The following MRC2 variants were observed in gnomAD, a reference collection of about 807,000 sequenced individuals.
The protein encoded by MRC2 is C-type mannose receptor 2.
MRC2 carries 84 observed loss-of-function variants against 206.2 expected under a neutral mutation model. That is an observed-to-expected ratio of 0.41 (90% CI 0.34 to 0.49). MRC2 has a LOEUF of 0.49. MRC2 is among the 20% of genes least tolerant of loss of function. MRC2 has a pLI of 0.31. For synonymous variants in MRC2, 798 were observed against 800.0 expected (o/e 1.00, Z 0.04); for missense variants, 1,676 against 2,001.5 (o/e 0.84, Z 3.10).
Position 62,680,430 on chromosome 17 carries a change from G to A in MRC2, c.2450G>A (p.Arg817Gln), listed in dbSNP as rs1157382623. Residue 817 changes from arginine (R) to glutamine (Q), a missense_variant, in exon 16 of 30, where the codon CGG (arginine) becomes CAG (glutamine). By Grantham distance (43) the Arg-to-Gln change is conservative. Transcript: ENST00000303375. The surrounding 1 kb of genome is among the most constrained non-coding windows in gnomAD (Gnocchi z 4.8). Reference sequence around the variant, plus strand: ...CTTGTTCCCCTAGGTACGGACGTGCGGGAGCCCGACGACAGCCCTCAAGGT... The same window carrying A: ...CTTGTTCCCCTAGGTACGGACGTGCAGGAGCCCGACGACAGCCCTCAAGGT... ...ICKIPRGTDV[R>Q]EPDDSPQGRR... 6.2e-7 allele frequency: 1 copy of A among 1,614,096 alleles called. No individual in the cohort carries two copies. The highest frequency in any genetic ancestry group is 8.5e-7 in the Non-Finnish European group (1 of 1,180,016).
chr17:62,680,779 ACGCC>A lies in MRC2; in HGVS notation c.2474-17_2474-14del. 6.4e-7 allele frequency: 1 copy of A among 1,571,486 alleles called. No homozygotes were observed. The highest frequency in any genetic ancestry group is 8.6e-7 in the Non-Finnish European group (1 of 1,159,282). On this transcript the variant is annotated splice_polypyrimidine_tract_variant and intron_variant, in intron 16 of 29. Coordinates refer to ENST00000303375, the MANE Select transcript of MRC2 (RefSeq NM_006039.5). This position sits in a 1 kb window ranked among gnomAD's most constrained non-coding sequence, Gnocchi z 4.8. ...CAGCCTCTGCCTGGCCGCCGCTCCC[ACGCC>A]CGCGCTGCTCCTGCAGGCCGACGGG... is the stretch of plus-strand genomic sequence containing the variant.
At chr17:62,665,279 C>T (rs1386617506) in intron 2 of MRC2, among the ~76,000 whole-genome samples, 1 of 151,624 alleles carries the variant, frequency 6.6e-6, no homozygotes, top group Non-Finnish European at 1.5e-5. Context: ...GCATGCCCAT[C>T]ATAGTCCCAG....
intron 1 of MRC2, among the ~76,000 whole-genome samples, chr17:62,655,100 G>T (rs1038759520): frequency 8.6e-5 from 13 of 151,226 alleles, no homozygotes; most frequent in African/African-American, 3.2e-4. Flanking sequence ...CCTGGCTAAT[G>T]CGGTGAAACC....
In MRC2 at chr17:62,681,227, C is replaced by G; in HGVS notation, c.2702+98C>G. 2.1e-6 allele frequency: 3 copies of G among 1,411,058 alleles called. No individual in the cohort carries two copies. The African/African-American group carries it at 4.3e-5, about 20-fold the overall frequency. 87.4% of individuals were successfully genotyped at this position (1,411,058 alleles called of 1,614,324 possible). A position where few individuals can be genotyped will look rare whatever the true frequency, so the allele number is the denominator to read the frequency against. ...CATTTGAATCCAGCCCTGCCCCTTC[C>G]TTGCTGGCTGTGTGGCCTTGAGCAA... is the stretch of plus-strand genomic sequence containing the variant. On this transcript the variant is annotated intron_variant, in intron 18 of 29. Coordinates refer to ENST00000303375, the MANE Select transcript of MRC2 (RefSeq NM_006039.5).
At chr17:62,645,500 TATATA>T (rs1568052008) in intron 1 of MRC2, among the ~76,000 whole-genome samples, 10,793 of 67,012 alleles carry the variant, frequency 0.16, 1,533 homozygotes, top group Non-Finnish European at 0.2. Flanking sequence ...GTATATATTA[TATATA>T]TATATATATA....
chr17:62,643,543 A>G (rs1453098645), intron 1 of MRC2, among the ~76,000 whole-genome samples: 1 of 152,152 alleles, frequency 6.6e-6, no homozygotes. Context: ...ATATAAAACT[A>G]TGAGAAAAAC....
intron 1 of MRC2, among the ~76,000 whole-genome samples, chr17:62,634,306 A>AT (rs796354775): frequency 5.1e-4 from 74 of 146,412 alleles, no homozygotes; most frequent in East Asian, 2.2e-3. Context: ...ACCACAAGTC[A>AT]TTTTTTTTTT....
At chr17:62,642,079 A>G (rs1436482517) in intron 1 of MRC2, among the ~76,000 whole-genome samples, 1 of 152,172 alleles carries the variant, frequency 6.6e-6, no homozygotes, top group African/African-American at 2.4e-5. Context: ...TTTTTCTCAT[A>G]TGCAGTCCGT....
chr17:62,645,742 G>T (rs1859938457), intron 1 of MRC2, among the ~76,000 whole-genome samples: 1 of 150,698 alleles, frequency 6.6e-6, no homozygotes, highest in Admixed American at 6.6e-5. Context: ...TTTTTGCCAT[G>T]TTGCCCAGGC....
chr17:62,674,154 A>G lies in MRC2; in HGVS notation c.1553A>G (p.Asp518Gly). 6.5e-7 allele frequency: 1 copy of G among 1,550,180 alleles called. No homozygotes were observed. The highest frequency in any genetic ancestry group is 1.2e-5 in the South Asian group (1 of 83,966). ...GQLSQGAAEE[D>G]HGCRKGWTWH... is the part of the protein sequence containing the mutation. ...CTGAGCCAGGGGGCCGCCGAGGAGGACCATGGCTGCCGGAAGGTGAGGGTG... is the reference window on the plus strand; with the variant it reads ...CTGAGCCAGGGGGCCGCCGAGGAGGGCCATGGCTGCCGGAAGGTGAGGGTG... Residue 518 changes from aspartate (D) to glycine (G), a missense_variant, in exon 9 of 30, where the codon GAC becomes GGC. By Grantham distance (94) the Asp-to-Gly change is moderately conservative. Coordinates refer to ENST00000303375, the MANE Select transcript of MRC2 (RefSeq NM_006039.5).
Position 62,677,382 on chromosome 17 carries a change from A to C in MRC2, c.1948A>C (p.Thr650Pro). The C allele has an allele frequency of 6.2e-7, 1 of 1,610,544 alleles. No homozygotes were observed. The highest frequency in any genetic ancestry group is 1.1e-5 in the South Asian group (1 of 90,440). ...CTACATCTGCCGGCAGAGCCTGGGCACTCCAGTGACGCCGGAGCTGCCGGG... is the reference window on the plus strand; with the variant it reads ...CTACATCTGCCGGCAGAGCCTGGGCCCTCCAGTGACGCCGGAGCTGCCGGG... The part of the protein sequence containing the change: ...ARYICRQSLG[T>P]PVTPELPGPD... Residue 650 changes from threonine to proline, a missense_variant, in exon 12 of 30, where the codon ACT becomes CCT. By Grantham distance (38) the Thr-to-Pro change is conservative (BLOSUM62 -1). Coordinates refer to ENST00000303375, the MANE Select transcript of MRC2 (RefSeq NM_006039.5).
chr17:62,641,895 C>CTGTGTG (rs4058579), intron 1 of MRC2, among the ~76,000 whole-genome samples: 6,426 of 149,976 alleles, frequency 0.043, 156 homozygotes, highest in South Asian at 0.075. Flanking sequence ...ATCTCACTCT[C>CTGTGTG]TGTGTGTGTG....
Position 62,680,463 on chromosome 17 carries a change from C to T in MRC2, c.2473+10C>T. The T allele has an allele frequency of 3.1e-6, 5 of 1,613,958 alleles. No individual in the cohort carries two copies. The highest frequency in any genetic ancestry group is 4.2e-6 in the Non-Finnish European group (5 of 1,179,984). Reference sequence around the variant, plus strand: ...GACGACAGCCCTCAAGGTGAGCACCCCCCAGCCCATCCCGCTACCCATCGC... The same window carrying T: ...GACGACAGCCCTCAAGGTGAGCACCTCCCAGCCCATCCCGCTACCCATCGC... On this transcript the variant is annotated intron_variant, in intron 16 of 29. Coordinates refer to ENST00000303375, the MANE Select transcript of MRC2 (RefSeq NM_006039.5). This position sits in a 1 kb window ranked among gnomAD's most constrained non-coding sequence, Gnocchi z 4.8.
Position 62,681,886 on chromosome 17 carries a change from C to A in MRC2, c.2752C>A (p.Pro918Thr). Residue 918 changes from proline (P) to threonine (T), a missense_variant, in exon 19 of 30, where the codon CCT becomes ACT. Pro to Thr is a conservative substitution (Grantham distance 38). Transcript: ENST00000303375. ...INFISWAPGK[P>T]RPVGKDKKCV... ...CTTCATCTCCTGGGCACCAGGCAAACCTCGGCCTGTCGGCAAGGACAAGAA... is the reference window on the plus strand; with the variant it reads ...CTTCATCTCCTGGGCACCAGGCAAAACTCGGCCTGTCGGCAAGGACAAGAA... 1 of 1,613,990 alleles carries A rather than the reference C, an allele frequency of 6.2e-7. No homozygotes were observed. Among genetic ancestry groups the A allele is most frequent in the Non-Finnish European group, 8.5e-7 (1 of 1,179,994 alleles).
Position 62,674,062 on chromosome 17 carries a change from G to T in MRC2, c.1462-1G>T. On this transcript the variant is annotated splice_acceptor_variant, in intron 8 of 29. Transcript: ENST00000303375. LOFTEE classifies it high-confidence loss of function. ...GATTCTTCCTCACCCTGTGTCCGTA[G>T]GAAGGCCGCTGGAACGACAGTCCCT... 2 of 1,550,220 alleles carry T rather than the reference G, an allele frequency of 1.3e-6. No individual in the cohort carries two copies. Among genetic ancestry groups the T allele is most frequent in the Non-Finnish European group, 1.7e-6 (2 of 1,146,104 alleles).
intron 1 of MRC2, among the ~76,000 whole-genome samples, chr17:62,630,515 G>A (rs2084207737): frequency 6.6e-6 from 1 of 152,194 alleles, no homozygotes; most frequent in Non-Finnish European, 1.5e-5. Context: ...GCTCTTCTGG[G>A]GATGATGTGG....
At chr17:62,690,909 C>G in intron 27 of MRC2, 40 bp from the exon 28 acceptor site, 1 of 1,530,510 alleles carries the variant, frequency 6.5e-7, no homozygotes, top group South Asian at 1.3e-5. Context: ...TACTCCTGCC[C>G]CACCTTGTCC....
intron 1 of MRC2, among the ~76,000 whole-genome samples, chr17:62,642,899 G>T (rs1189825596): frequency 1.3e-5 from 2 of 152,204 alleles, no homozygotes; most frequent in Non-Finnish European, 2.9e-5. Flanking sequence ...TAGAATGGAT[G>T]AATTGTGGCA....
Position 62,674,270 on chromosome 17 carries a change from G to A in MRC2, c.1569+100G>A, listed in dbSNP as rs540672305. The stretch of plus-strand genomic sequence containing the variant: ...AACTCCTGCTGCCTCGCATGGCATC[G>A]CCCTCTCGTCGGCACCCCCTTCCCT... On this transcript the variant is annotated intron_variant, in intron 9 of 29. Transcript: ENST00000303375. 22 of 837,582 alleles carry A rather than the reference G, an allele frequency of 2.6e-5. No homozygotes were observed. The African/African-American group carries it at 2.8e-4, about 11-fold the overall frequency. The allele number at this position is 837,582 out of a possible 1,614,324, so 51.9% of individuals were successfully genotyped here.
Sources: gnomAD v4.1 joint callset for allele counts (sites outside exome capture counted in the v4.1 genomes callset) on GRCh38, gnomAD v4.1.1 for gene constraint, Gnocchi (gnomAD v3.1) non-coding constraint, MANE v1.5 for transcripts, NCBI Gene and HGNC (gene_info 2026-07-23, HGNC 2026-07-21) for gene names.